PKD2L2: variants seen among roughly 807,000 people sequenced by gnomAD.
The protein encoded by PKD2L2 is polycystin-2-like protein 2.
Under a neutral mutation model 83.9 loss-of-function variants are expected in PKD2L2, and 67 were observed. The ratio of observed to expected loss-of-function variants is 0.80; its 90% CI spans 0.66 to 0.98. PKD2L2 has a LOEUF of 0.98. PKD2L2 is among the 50% of genes least tolerant of loss of function. The probability of loss-of-function intolerance (pLI) is 0.00; values close to 1 mark genes in which losing one functional copy is unlikely to be tolerated. For missense variants in PKD2L2, 632 were observed against 717.2 expected (o/e 0.88, Z 1.36); for synonymous variants, 223 against 237.8 (o/e 0.94, Z 0.57).
chr5:137,908,799 C>T lies in PKD2L2; in HGVS notation c.1181C>T (p.Ser394Phe), dbSNP rs773840017. Residue 394 changes from serine to phenylalanine, a missense_variant, in exon 8 of 15, where the codon TCT (serine) becomes TTT (phenylalanine). By Grantham distance (155) the Ser-to-Phe change is radical. Transcript: ENST00000508883. ...TTCATAAGCTTTAACAAGACAATGT[C>T]TCAGCTGTCATCAACCTTGTCCCGT... is the stretch of plus-strand genomic sequence containing the variant. ...FKFISFNKTM[S>F]QLSSTLSRCV... 1 of 1,579,362 alleles carries T rather than the reference C, an allele frequency of 6.3e-7. No homozygotes were observed. The highest frequency in any genetic ancestry group is 8.6e-7 in the Non-Finnish European group (1 of 1,158,350).
At chr5:137,900,875 C>T (rs556604954) in intron 5 of PKD2L2, among the ~76,000 whole-genome samples, 7 of 152,270 alleles carry the variant, frequency 4.6e-5, no homozygotes, top group South Asian at 2.1e-4. Context: ...CGGTGGCTCA[C>T]GCCTATAATC....
At chr5:137,938,803 T>A (rs968041373) in intron 14 of PKD2L2, 2 of 152,612 alleles carry the variant, frequency 1.3e-5, no homozygotes, top group Non-Finnish European at 2.9e-5. Context: ...TGTTGCAAAA[T>A]TCCATTTTTA....
chr5:137,892,549 C>T lies in PKD2L2; in HGVS notation c.203C>T (p.Thr68Ile), dbSNP rs1473341824. The T allele has an allele frequency of 3.1e-6, 5 of 1,611,392 alleles. No individual in the cohort carries two copies. Among genetic ancestry groups the T allele is most frequent in the Middle Eastern group, 1.6e-4 (1 of 6,072 alleles). Reference protein sequence around the residue: ...NKVMSSLFLDTSVPGEERTNF... With the variant: ...NKVMSSLFLDISVPGEERTNF... ...GTTATGTCATCTCTATTTTTGGACA[C>T]TTCTGTGCCTGGTGAAGAAAGAACC... is the stretch of plus-strand genomic sequence containing the variant. The change falls in exon 3 of 15, where the codon ACT becomes ATT. Residue 68 changes from threonine to isoleucine, a missense_variant. This residue lies in a region of PKD2L2 where 229 missense variants were observed against 281.5 expected (regional missense o/e 0.81). Coordinates refer to ENST00000508883, the MANE Select transcript of PKD2L2 (RefSeq NM_001300921.2).
At chr5:137,894,164 A>C (rs999399180) in intron 3 of PKD2L2, among the ~76,000 whole-genome samples, 189 bp from the exon 4 acceptor site, 5 of 152,236 alleles carry the variant, frequency 3.3e-5, no homozygotes, top group African/African-American at 1.2e-4. Flanking sequence ...AGCAGTGCCT[A>C]GTACACAGTA....
intron 8 of PKD2L2, among the ~76,000 whole-genome samples, chr5:137,910,970 A>G (rs188086848): frequency 6.8e-4 from 104 of 152,326 alleles, no homozygotes; most frequent in Non-Finnish European, 1.2e-3. Flanking sequence ...GATAAAATAT[A>G]TATAACATCA....
Position 137,925,884 on chromosome 5 carries a change from C to A in PKD2L2, c.1626C>A (p.Ser542Arg), listed in dbSNP as rs201437170. 2 of 1,592,716 alleles carry A rather than the reference C, an allele frequency of 1.3e-6. No homozygotes were observed. The highest frequency in any genetic ancestry group is 2.2e-5 in the East Asian group (1 of 44,690). Reference sequence around the variant, plus strand: ...TTTATATTCTCAATAGCAAAGGCAGCGGAGATTTGGCTGAACAAGCCAGAA... The same window carrying A: ...TTTATATTCTCAATAGCAAAGGCAGAGGAGATTTGGCTGAACAAGCCAGAA... ...QKDEDKKTKG[S>R]GDLAEQARRE... The change falls in exon 12 of 15, where the codon AGC (serine) becomes AGA (arginine). Residue 542 changes from serine (S) to arginine (R), a missense_variant. This residue lies in a region of PKD2L2 where 399 missense variants were observed against 416.9 expected (regional missense o/e 0.96). Coordinates refer to ENST00000508883, the MANE Select transcript of PKD2L2 (RefSeq NM_001300921.2).
chr5:137,923,246 C>G (rs1759088546), intron 9 of PKD2L2, among the ~76,000 whole-genome samples, 174 bp from the exon 10 acceptor site: 1 of 152,082 alleles, frequency 6.6e-6, no homozygotes, highest in African/African-American at 2.4e-5. Context: ...GAACTCCTGT[C>G]CTCAAGTGAT....
chr5:137,907,816 A>C lies in PKD2L2; in HGVS notation c.1050A>C (p.Lys350Asn). 6.3e-7 allele frequency: 1 copy of C among 1,579,512 alleles called. No individual in the cohort carries two copies. The highest frequency in any genetic ancestry group is 8.7e-7 in the Non-Finnish European group (1 of 1,152,030). ...TTCTCTTACTTGGACAGCTGTTGAA[A>C]AGTACTGAAAAATATTCAGATTTCT... ...QIFLLLGQLLKSTEKYSDFYF... is the reference protein window; with the variant it reads ...QIFLLLGQLLNSTEKYSDFYF... The change falls in exon 7 of 15, where the codon AAA becomes AAC. Residue 350 changes from lysine to asparagine, a missense_variant. Lys to Asn is a moderately conservative substitution (Grantham distance 94, BLOSUM62 0). Transcript: ENST00000508883.
At chr5:137,931,936 A>G (rs1475495700) in intron 12 of PKD2L2, among the ~76,000 whole-genome samples, 1 of 152,250 alleles carries the variant, frequency 6.6e-6, no homozygotes, top group Non-Finnish European at 1.5e-5. Flanking sequence ...AATGTCATAT[A>G]TGCAAACATC....
chr5:137,899,741 A>T lies in PKD2L2; in HGVS notation c.746+4A>T. ...TAAATCTATTTTGTATTATCAGGTG[A>T]GTGACTCAAAACTTTTTTTCATAGA... On this transcript the variant is annotated splice_donor_region_variant and intron_variant, in intron 5 of 14. Transcript: ENST00000508883. 1 of 1,560,460 alleles carries T rather than the reference A, an allele frequency of 6.4e-7. No homozygotes were observed. The highest frequency in any genetic ancestry group is 8.8e-7 in the Non-Finnish European group (1 of 1,136,358).
At chr5:137,933,283 G>C (rs1175900229) in intron 12 of PKD2L2, among the ~76,000 whole-genome samples, 1 of 152,090 alleles carries the variant, frequency 6.6e-6, no homozygotes, top group African/African-American at 2.4e-5. Flanking sequence ...TATCCAGTAA[G>C]ATCAAACTAT....
In PKD2L2 at chr5:137,906,364, A is replaced by G. The variant is rs1166906726; in HGVS notation, c.905A>G (p.Lys302Arg). The stretch of plus-strand genomic sequence containing the variant: ...TTTGTCTTCACAACACAAGAAGTCA[A>G]AAAAATAAAAGAATTTAAGTCTGCC... ...FLFVFTTQEV[K>R]KIKEFKSAYF... Residue 302 changes from lysine to arginine, a missense_variant, in exon 6 of 15, where the codon AAA (lysine) becomes AGA (arginine). By Grantham distance (26) the Lys-to-Arg change is conservative. Around this residue, in one of 3 missense-constraint regions of PKD2L2, gnomAD observed 399 missense variants for 416.9 expected, o/e 0.96. Transcript: ENST00000508883. 1.9e-6 allele frequency: 3 copies of G among 1,610,990 alleles called. No homozygotes were observed. The highest frequency in any genetic ancestry group is 2.5e-6 in the Non-Finnish European group (3 of 1,177,876).
intron 3 of PKD2L2, among the ~76,000 whole-genome samples, 178 bp from the exon 4 acceptor site, chr5:137,894,175 C>CGTGCTTAATGT (rs1756242892): frequency 6.6e-6 from 1 of 152,174 alleles, no homozygotes; most frequent in African/African-American, 2.4e-5. Flanking sequence ...GTACACAGTA[C>CGTGCTTAATGT]GTGCTTAATG....
At chr5:137,892,451 A>G in intron 2 of PKD2L2, 29 bp from the exon 3 acceptor site, 1 of 1,311,762 alleles carries the variant, frequency 7.6e-7, no homozygotes, top group Non-Finnish European at 1.0e-6. Flanking sequence ...TTAAATGTAA[A>G]TTATTAAACA....
chr5:137,928,947 A>C (rs1443921239), intron 12 of PKD2L2, among the ~76,000 whole-genome samples: 2 of 152,244 alleles, frequency 1.3e-5, no homozygotes, highest in Non-Finnish European at 2.9e-5. Context: ...TTTTATAATT[A>C]ATGGTCAAAG....
chr5:137,908,514 C>T (rs557869738), intron 7 of PKD2L2, among the ~76,000 whole-genome samples: 1 of 151,836 alleles, frequency 6.6e-6, no homozygotes, highest in East Asian at 1.9e-4. Flanking sequence ...TCACTTGAAC[C>T]TAGGGGGCAG....
At chr5:137,912,627 A>G (rs969102095) in intron 8 of PKD2L2, among the ~76,000 whole-genome samples, 2 of 152,072 alleles carry the variant, frequency 1.3e-5, no homozygotes, top group Admixed American at 1.3e-4. Flanking sequence ...TCTGTCTCCC[A>G]AAGTGCTGGG....
At chr5:137,928,422 G>T (rs1759561892) in intron 12 of PKD2L2, among the ~76,000 whole-genome samples, 1 of 147,964 alleles carries the variant, frequency 6.8e-6, no homozygotes, top group Non-Finnish European at 1.5e-5. Context: ...ATATCATTTA[G>T]AATTAATAAA....
chr5:137,897,625 A>G (rs978642655), intron 4 of PKD2L2, among the ~76,000 whole-genome samples: 4 of 152,216 alleles, frequency 2.6e-5, no homozygotes. Flanking sequence ...TCCTTGTCTA[A>G]AATGTAAAAT....
Sources: allele counts gnomAD v4.1 joint callset (sites outside exome capture counted in the v4.1 genomes callset), GRCh38; gene constraint gnomAD v4.1.1; regional missense constraint gnomAD v4.1.1; transcripts MANE v1.5; gene names NCBI Gene and HGNC (gene_info 2026-07-23, HGNC 2026-07-21).